KRABD5: variants seen among roughly 807,000 people sequenced by gnomAD.
KRABD5 encodes KRAB domain-containing protein 5.
At chr16:31,744,224 A>C in the KRABD5 span, among the ~76,000 whole-genome samples, 1 of 152,204 alleles carries the variant, frequency 6.6e-6, no homozygotes, top group Non-Finnish European at 1.5e-5. Flanking sequence ...GAATACTTCC[A>C]GCTTTTGCTC....
the KRABD5 span, among the ~76,000 whole-genome samples, chr16:31,747,000 A>T: frequency 2.7e-5 from 4 of 149,304 alleles, no homozygotes; most frequent in Non-Finnish European, 5.9e-5. Context: ...TTTTTTAATT[A>T]TTATTATACT....
the KRABD5 span, chr16:31,760,991 C>T: frequency 3.9e-5 from 6 of 152,138 alleles, no homozygotes; most frequent in African/African-American, 1.4e-4. Context: ...CTACTTCTGT[C>T]GCAGAAGTGG....
chr16:31,735,102 C>T, the KRABD5 span, among the ~76,000 whole-genome samples: 16 of 150,340 alleles, frequency 1.1e-4, no homozygotes, highest in Admixed American at 9.3e-4. Context: ...TTCTTTCTCT[C>T]TCTTTCTTTC....
the KRABD5 span, among the ~76,000 whole-genome samples, chr16:31,726,692 G>A: frequency 1.1e-4 from 16 of 152,170 alleles, no homozygotes; most frequent in Non-Finnish European, 1.9e-4. Context: ...ACCCAGGAGC[G>A]GAGGTTGCAG....
At chr16:31,758,371 T>C in the KRABD5 span, 1 of 152,142 alleles carries the variant, frequency 6.6e-6, no homozygotes, top group Non-Finnish European at 1.5e-5. Flanking sequence ...TACAGATCAA[T>C]GTAGTTGGAT....
the KRABD5 span, chr16:31,759,170 C>A: frequency 3.8e-6 from 2 of 525,016 alleles, no homozygotes; most frequent in East Asian, 3.2e-5. Flanking sequence ...TCATAATAGC[C>A]CAAAACAGGA....
chr16:31,713,316 T>C, the KRABD5 span: 1 of 1,419,360 alleles, frequency 7.0e-7, no homozygotes. Context: ...AGTCCTTCCA[T>C]CTGGGAGGCC....
chr16:31,737,275 A>G, the KRABD5 span, among the ~76,000 whole-genome samples: 1 of 150,584 alleles, frequency 6.6e-6, no homozygotes, highest in South Asian at 2.1e-4. Flanking sequence ...TTGTTTACAG[A>G]CAATATGACC....
chr16:31,737,389 G>A, the KRABD5 span, among the ~76,000 whole-genome samples: 8 of 152,106 alleles, frequency 5.3e-5, no homozygotes, highest in African/African-American at 1.9e-4. Context: ...AATTTCAGTG[G>A]CATCTCTGTG....
the KRABD5 span, among the ~76,000 whole-genome samples, chr16:31,723,516 G>C: frequency 6.6e-6 from 1 of 152,304 alleles, no homozygotes; most frequent in Non-Finnish European, 1.5e-5. Context: ...GACATCTTCT[G>C]TCTCATATTC....
chr16:31,743,766 T>C, the KRABD5 span, among the ~76,000 whole-genome samples: 20,272 of 152,146 alleles, frequency 0.13, 1,780 homozygotes, highest in South Asian at 0.32. Context: ...ATGGAATATT[T>C]TTCCATTTGC....
At chr16:31,752,898 T>A in the KRABD5 span, among the ~76,000 whole-genome samples, 3 of 152,214 alleles carry the variant, frequency 2.0e-5, no homozygotes, top group African/African-American at 4.8e-5. Context: ...TAAAATTAGT[T>A]AATAGATTTC....
At chr16:31,715,838 C>G in the KRABD5 span, among the ~76,000 whole-genome samples, 2 of 152,160 alleles carry the variant, frequency 1.3e-5, no homozygotes, top group Admixed American at 6.5e-5. Context: ...TGGAGAGAGA[C>G]TCTGGGTGTC....
chr16:31,713,544 C>A, the KRABD5 span: 1 of 1,436,902 alleles, frequency 7.0e-7, no homozygotes, highest in Non-Finnish European at 9.3e-7. Context: ...TCCCCGCGGA[C>A]GCAACTCGGC....
chr16:31,752,980 T>C, the KRABD5 span, among the ~76,000 whole-genome samples: 1 of 152,196 alleles, frequency 6.6e-6, no homozygotes, highest in Non-Finnish European at 1.5e-5. Flanking sequence ...TCACTTTCAT[T>C]TTGGTCCCTT....
the KRABD5 span, among the ~76,000 whole-genome samples, chr16:31,717,795 G>C: frequency 6.6e-6 from 1 of 152,080 alleles, no homozygotes; most frequent in Non-Finnish European, 1.5e-5. Context: ...ACTCTAGAGG[G>C]GATGTTCCCT....
the KRABD5 span, among the ~76,000 whole-genome samples, chr16:31,736,409 GT>G: frequency 2.0e-3 from 275 of 136,070 alleles, 1 homozygote; most frequent in East Asian, 2.3e-3. Context: ...TGTACATTTA[GT>G]TTTTTTTTTT....
chr16:31,713,481 T>G, the KRABD5 span: 1 of 1,587,128 alleles, frequency 6.3e-7, no homozygotes, highest in Non-Finnish European at 8.6e-7. Context: ...AGAGGGGCGG[T>G]CGGAAGCGGC....
At chr16:31,729,741 T>G in the KRABD5 span, among the ~76,000 whole-genome samples, 1 of 152,196 alleles carries the variant, frequency 6.6e-6, no homozygotes, top group Admixed American at 6.5e-5. Context: ...GTCATGTTAA[T>G]TTTTTGTCTT....
Sources: gnomAD v4.1 joint callset for allele counts (sites outside exome capture counted in the v4.1 genomes callset) on GRCh38, gnomAD v4.1.1 for gene constraint, MANE v1.5 for transcripts, NCBI Gene and HGNC (gene_info 2026-07-23, HGNC 2026-07-21) for gene names.